TRUB1: variants seen among roughly 807,000 people sequenced by gnomAD.
TRUB1 encodes the protein pseudouridylate synthase TRUB1.
A neutral mutation model predicts 33.9 loss-of-function variants in TRUB1; 23 were observed. The ratio of observed to expected loss-of-function variants is 0.68; its 90% confidence interval spans 0.49 to 0.96. The LOEUF is 0.96. TRUB1 is among the 40% of genes least tolerant of loss of function. The probability of loss-of-function intolerance (pLI) is 0.00; values close to 1 mark genes in which losing one functional copy is unlikely to be tolerated. For synonymous variants in TRUB1, 163 were observed against 165.4 expected (o/e 0.99, Z 0.11); for missense variants, 378 against 422.2 (o/e 0.90, Z 0.92).
chr10:114,948,637 TC>T (rs1388774716), intron 2 of TRUB1, among the ~76,000 whole-genome samples: 1 of 152,238 alleles, frequency 6.6e-6, no homozygotes, highest in Non-Finnish European at 1.5e-5. Context: ...TTCCTAAAAT[TC>T]TGCTTTCACT....
intron 1 of TRUB1, among the ~76,000 whole-genome samples, chr10:114,939,338 A>G (rs949193696): frequency 6.6e-6 from 1 of 152,208 alleles, no homozygotes; most frequent in East Asian, 1.9e-4. Context: ...GTGCTAGCCT[A>G]TAGAGACTTG....
chr10:114,977,317 T>C lies in TRUB1; in HGVS notation c.*1938T>C, dbSNP rs2084365655. The C allele has an allele frequency of 6.6e-6, 1 of 152,112 alleles. No individual in the cohort carries two copies. Among genetic ancestry groups the C allele is most frequent in the African/African-American group, 2.4e-5 (1 of 41,460 alleles). The allele number at this position is 152,112 out of a possible 1,614,324, so 9.4% of individuals were successfully genotyped here. A position where few individuals can be genotyped will look rare whatever the true frequency, so the allele number is the denominator to read the frequency against. On this transcript the variant is annotated 3_prime_UTR_variant, in exon 8 of 8. Transcript: ENST00000298746. ...AAATTGACTTTTTCATTTGATATTA[T>C]CTATATGTATGTAGTTGTGATAATG...
At position 114,945,557 on chromosome 10, in the gene TRUB1, C is replaced by T. The variant is rs961330864; in HGVS notation, c.385+2814C>T. ...CAGTGAATGAAAGTTTAGTTTTTAC[C>T]CTGAACCTAAGGCTAGCTTGTCCAA... On this transcript the variant is annotated intron_variant, in intron 2 of 7. Coordinates refer to ENST00000298746, the MANE Select transcript of TRUB1 (RefSeq NM_139169.5). Among the ~76,000 whole-genome samples the T allele has an allele frequency of 2.6e-5, 4 of 152,250 alleles. No individual in the cohort carries two copies. In the East Asian group the frequency reaches 7.7e-4, roughly 29 times the overall value.
chr10:114,951,732 A>G (rs1366683578), intron 3 of TRUB1, among the ~76,000 whole-genome samples: 1 of 152,032 alleles, frequency 6.6e-6, no homozygotes, highest in Non-Finnish European at 1.5e-5. Flanking sequence ...GGTCTCTTCC[A>G]TCTCTCAAAG....
chr10:114,956,218 A>G (rs1014943999), intron 3 of TRUB1, among the ~76,000 whole-genome samples: 6 of 152,226 alleles, frequency 3.9e-5, no homozygotes, highest in Admixed American at 1.3e-4. Context: ...ACACAGGTCA[A>G]TGGAATGTTC....
chr10:114,970,496 C>A (rs1371123360), intron 5 of TRUB1, 56 bp downstream of exon 5: 2 of 1,282,078 alleles, frequency 1.6e-6, no homozygotes, highest in African/African-American at 1.5e-5. Flanking sequence ...CAATGGTTAA[C>A]ATCACTCTAG....
At chr10:114,958,044 C>T (rs2084269035) in intron 3 of TRUB1, among the ~76,000 whole-genome samples, 2 of 152,188 alleles carry the variant, frequency 1.3e-5, no homozygotes, top group South Asian at 4.1e-4. Context: ...CTCTTTGCTT[C>T]TTCTCATGAG....
intron 3 of TRUB1, among the ~76,000 whole-genome samples, chr10:114,953,642 G>C (rs1351970623): frequency 6.6e-6 from 1 of 152,116 alleles, no homozygotes; most frequent in Non-Finnish European, 1.5e-5. Flanking sequence ...CTTTGTGTTA[G>C]TCTGTTTGTG....
At chr10:114,974,415 A>G (rs1300632519) in intron 7 of TRUB1, 30 bp downstream of exon 7, 2 of 1,569,590 alleles carry the variant, frequency 1.3e-6, no homozygotes, top group African/African-American at 1.4e-5. Context: ...ATGAATTATC[A>G]TTTAGAGAAT....
chr10:114,974,220 C>A, intron 6 of TRUB1, 109 bp from the exon 7 acceptor site: 1 of 773,864 alleles, frequency 1.3e-6, no homozygotes, highest in Non-Finnish European at 2.2e-6. Flanking sequence ...TATTTTATCA[C>A]TCAATTGTTT....
chr10:114,953,495 CT>C (rs1207195041), intron 3 of TRUB1, among the ~76,000 whole-genome samples: 2 of 151,864 alleles, frequency 1.3e-5, no homozygotes, highest in East Asian at 3.9e-4. Flanking sequence ...TTTAAAAGCA[CT>C]AGAAGGAATC....
chr10:114,939,249 G>C (rs1399251346), intron 1 of TRUB1, among the ~76,000 whole-genome samples: 1 of 152,126 alleles, frequency 6.6e-6, no homozygotes, highest in Non-Finnish European at 1.5e-5. Flanking sequence ...GAATCACCCC[G>C]TTAATCAGCT....
chr10:114,964,504 T>C (rs928566161), intron 4 of TRUB1, among the ~76,000 whole-genome samples: 3 of 152,208 alleles, frequency 2.0e-5, no homozygotes, highest in Non-Finnish European at 4.4e-5. Flanking sequence ...CTCTCTTGTC[T>C]TTTGAAAAAC....
chr10:114,957,539 A>G (rs547090682), intron 3 of TRUB1, among the ~76,000 whole-genome samples: 92 of 152,220 alleles, frequency 6.0e-4, no homozygotes, highest in Non-Finnish European at 1.2e-3. Flanking sequence ...TGGAATTTGT[A>G]TCGAGCACCT....
At chr10:114,959,078 G>A (rs2084274059) in intron 3 of TRUB1, among the ~76,000 whole-genome samples, 1 of 152,218 alleles carries the variant, frequency 6.6e-6, no homozygotes, top group Admixed American at 6.5e-5. Flanking sequence ...GGAGGTTGCA[G>A]TGAGCCGAGA....
intron 2 of TRUB1, among the ~76,000 whole-genome samples, chr10:114,949,033 G>A (rs757151081): frequency 6.6e-6 from 1 of 152,172 alleles, no homozygotes; most frequent in Non-Finnish European, 1.5e-5. Flanking sequence ...CCTTTGCCCT[G>A]CTTTGGCAGC....
chr10:114,957,930 C>G lies in TRUB1; in HGVS notation c.442-1796C>G, dbSNP rs567692498. On this transcript the variant is annotated intron_variant, in intron 3 of 7. Coordinates refer to ENST00000298746, the MANE Select transcript of TRUB1 (RefSeq NM_139169.5). ...CTGTAACCAGATGAGTCAACTCTAG[C>G]CACTGTTAACTGCGAATCATTCTGT... Among the ~76,000 whole-genome samples the G allele has an allele frequency of 1.6e-4, 24 of 152,242 alleles. No individual in the cohort carries two copies. The South Asian group carries it at 4.8e-3, about 30-fold the overall frequency.
chr10:114,942,446 C>T (rs1220897311), intron 1 of TRUB1, among the ~76,000 whole-genome samples, 199 bp from the exon 2 acceptor site: 1 of 152,100 alleles, frequency 6.6e-6, no homozygotes. Context: ...TTGGAATACT[C>T]TTTCTTTATA....
chr10:114,944,616 G>A (rs1399141270), intron 2 of TRUB1, among the ~76,000 whole-genome samples: 4 of 151,726 alleles, frequency 2.6e-5, no homozygotes, highest in South Asian at 4.2e-4. Context: ...CTGAGATCGC[G>A]CCACTGCACT....
Sources: gnomAD v4.1 joint callset for allele counts (sites outside exome capture counted in the v4.1 genomes callset) on GRCh38, gnomAD v4.1.1 for gene constraint, MANE v1.5 for transcripts, NCBI Gene and HGNC (gene_info 2026-07-23, HGNC 2026-07-21) for gene names.